CLASP2: variants seen among roughly 807,000 people sequenced by gnomAD.
CLASP2 encodes cytoplasmic linker associated protein 2, also known as CLIP-associating protein 2.
A neutral mutation model predicts 194.4 loss-of-function variants in CLASP2; 47 were observed. That is an observed-to-expected ratio of 0.24 (90% confidence interval 0.19 to 0.31). The LOEUF (loss-of-function observed/expected upper bound fraction) is 0.31, where lower values mean the gene tolerates loss of function less well. CLASP2 is among the 10% of genes least tolerant of loss of function. The probability of loss-of-function intolerance (pLI) is 1.00; values close to 1 mark genes in which losing one functional copy is unlikely to be tolerated. For missense variants in CLASP2, 1,445 were observed against 1,823.6 expected (o/e 0.79, Z 3.78); for synonymous variants, 619 against 633.5 (o/e 0.98, Z 0.34).
chr3:33,617,951 ATT>A (rs34651802), intron 12 of CLASP2, among the ~76,000 whole-genome samples: 25 of 116,518 alleles, frequency 2.1e-4, no homozygotes, highest in South Asian at 5.2e-4. Context: ...ATATATATAT[ATT>A]TTTTTTTTTT....
chr3:33,542,710 C>T (rs953859293), intron 32 of CLASP2, among the ~76,000 whole-genome samples: 3 of 150,852 alleles, frequency 2.0e-5, no homozygotes, highest in African/African-American at 7.3e-5. Flanking sequence ...ATATTTAACA[C>T]TCCCCTATTT....
At chr3:33,547,317 T>C (rs1312395422) in intron 30 of CLASP2, among the ~76,000 whole-genome samples, 1 of 152,202 alleles carries the variant, frequency 6.6e-6, no homozygotes, top group African/African-American at 2.4e-5. Flanking sequence ...TCATTCTCCC[T>C]CTCTGCCTGC....
At chr3:33,631,464 G>A (rs767879126) in intron 9 of CLASP2, among the ~76,000 whole-genome samples, 1 of 152,168 alleles carries the variant, frequency 6.6e-6, no homozygotes, top group Non-Finnish European at 1.5e-5. Context: ...GGGAGGCCAA[G>A]GTGGGTGGAT....
chr3:33,688,104 G>T (rs1047133294), intron 4 of CLASP2, among the ~76,000 whole-genome samples, 173 bp downstream of exon 4: 1 of 151,976 alleles, frequency 6.6e-6, no homozygotes, highest in African/African-American at 2.4e-5. Context: ...GAAAAATTAA[G>T]AACATGAAAG....
At chr3:33,572,190 C>T (rs567915698) in intron 25 of CLASP2, among the ~76,000 whole-genome samples, 7 of 152,158 alleles carry the variant, frequency 4.6e-5, no homozygotes, top group South Asian at 4.2e-4. Flanking sequence ...GCTATACTTA[C>T]GGGCTAAAAT....
intron 3 of CLASP2, among the ~76,000 whole-genome samples, chr3:33,689,067 A>C (rs2091042903): frequency 6.6e-6 from 1 of 151,952 alleles, no homozygotes; most frequent in Non-Finnish European, 1.5e-5. Context: ...TACAACATAC[A>C]CAGCCATCCT....
chr3:33,704,494 G>T (rs889868624), intron 1 of CLASP2, among the ~76,000 whole-genome samples: 2 of 152,192 alleles, frequency 1.3e-5, no homozygotes, highest in African/African-American at 4.8e-5. Flanking sequence ...GCTCATGCCT[G>T]TAATCCCAGC....
chr3:33,714,009 A>G (rs1360565436), intron 1 of CLASP2, among the ~76,000 whole-genome samples: 1 of 152,166 alleles, frequency 6.6e-6, no homozygotes, highest in Non-Finnish European at 1.5e-5. Context: ...CACCTCCTTC[A>G]CTAATTTACC....
In CLASP2 at chr3:33,646,325, T is replaced by G. The variant is rs543579903; in HGVS notation, c.716-1422A>C. 5.9e-5 allele frequency among the ~76,000 whole-genome samples: 9 copies of G among 152,076 alleles called. No homozygotes were observed. In the South Asian group the frequency reaches 1.9e-3, roughly 32 times the overall value. On this transcript the variant is annotated intron_variant, in intron 7 of 38. Transcript: ENST00000682230. Reference sequence around the variant, plus strand: ...TAGACACTCTAAAGTCACATTCTATTTCAGAAAGTGTTTTTAAGTAATACA... The same window carrying G: ...TAGACACTCTAAAGTCACATTCTATGTCAGAAAGTGTTTTTAAGTAATACA...
intron 2 of CLASP2, among the ~76,000 whole-genome samples, chr3:33,691,872 T>C (rs2091392900): frequency 6.6e-6 from 1 of 152,148 alleles, no homozygotes; most frequent in African/African-American, 2.4e-5. Context: ...AAACCAGGTT[T>C]TTAATAATTT....
At chr3:33,524,797 A>G (rs2054054344) in intron 34 of CLASP2, among the ~76,000 whole-genome samples, 1 of 152,264 alleles carries the variant, frequency 6.6e-6, no homozygotes, top group Admixed American at 6.5e-5. Context: ...ACATGTATGC[A>G]GCTAATGACA....
chr3:33,629,478 C>G (rs1291672356), intron 9 of CLASP2, among the ~76,000 whole-genome samples: 2 of 151,948 alleles, frequency 1.3e-5, no homozygotes, highest in Non-Finnish European at 2.9e-5. Flanking sequence ...TACTTATTTA[C>G]TAAAGTAAGG....
chr3:33,595,490 A>G (rs1233520077), intron 19 of CLASP2, among the ~76,000 whole-genome samples: 1 of 152,090 alleles, frequency 6.6e-6, no homozygotes, highest in East Asian at 1.9e-4. Flanking sequence ...AATCCAATTC[A>G]TTAGCTATTT....
In CLASP2 at chr3:33,501,485, T is replaced by C. The variant is rs568355609; in HGVS notation, c.4434+167A>G. 2.4e-4 allele frequency among the ~76,000 whole-genome samples: 36 copies of C among 152,208 alleles called. No individual in the cohort carries two copies. The South Asian group carries it at 7.3e-3, about 31-fold the overall frequency. On this transcript the variant is annotated intron_variant, in intron 38 of 38. Transcript: ENST00000682230. ...ACCTGAGTGAACATCTAACAAATGT[T>C]AGAGTAGAAAAAGATAAAATACAAA...
chr3:33,588,244 A>G (rs1322156808), intron 21 of CLASP2, among the ~76,000 whole-genome samples: 2 of 152,148 alleles, frequency 1.3e-5, no homozygotes, highest in South Asian at 2.1e-4. Flanking sequence ...TTGGAAAAAA[A>G]TACCAAGGCT....
At chr3:33,663,730 T>C (rs1247931297) in intron 6 of CLASP2, among the ~76,000 whole-genome samples, 2 of 152,124 alleles carry the variant, frequency 1.3e-5, no homozygotes, top group African/African-American at 4.8e-5. Flanking sequence ...CTCTACATAT[T>C]TGCAGGTATG....
intron 12 of CLASP2, among the ~76,000 whole-genome samples, chr3:33,619,000 A>G (rs2076673064): frequency 6.6e-6 from 1 of 152,102 alleles, no homozygotes; most frequent in Non-Finnish European, 1.5e-5. Flanking sequence ...CCTACTCCAC[A>G]CCTAGGCTAT....
At chr3:33,619,839 T>C in intron 11 of CLASP2, 101 bp from the exon 12 acceptor site, 1 of 1,033,454 alleles carries the variant, frequency 9.7e-7, no homozygotes, top group African/African-American at 1.7e-5. Context: ...ACTTAGGAAT[T>C]TGTATTTTAA....
intron 26 of CLASP2, among the ~76,000 whole-genome samples, chr3:33,569,280 T>A (rs1224633082): frequency 6.6e-6 from 1 of 152,198 alleles, no homozygotes; most frequent in Non-Finnish European, 1.5e-5. Flanking sequence ...TCACTATACA[T>A]CATGGCATCC....
Sources: gnomAD v4.1 joint callset for allele counts (sites outside exome capture counted in the v4.1 genomes callset) on GRCh38, gnomAD v4.1.1 for gene constraint, MANE v1.5 for transcripts, NCBI Gene and HGNC (gene_info 2026-07-23, HGNC 2026-07-21) for gene names.